PPP1R12B: variants seen among roughly 807,000 people sequenced by gnomAD.
The protein encoded by PPP1R12B is protein phosphatase 1 regulatory subunit 12B.
PPP1R12B carries 76 observed loss-of-function variants against 126.1 expected under a neutral mutation model. The ratio of observed to expected loss-of-function variants is 0.60; its 90% CI spans 0.50 to 0.73. The LOEUF (loss-of-function observed/expected upper bound fraction) is 0.73. Ranked by LOEUF, PPP1R12B falls within the 30% of genes least tolerant of loss-of-function variation. PPP1R12B has a pLI of 0.00. For missense variants in PPP1R12B, 1,052 were observed against 1,205.1 expected (o/e 0.87, Z 1.88); for synonymous variants, 356 against 434.7 (o/e 0.82, Z 2.25).
At chr1:202,349,218 G>T (rs113722623) in intron 1 of PPP1R12B, 76 bp downstream of exon 1, 2 of 1,543,028 alleles carry the variant, frequency 1.3e-6, no homozygotes, top group South Asian at 1.2e-5. Flanking sequence ...ACCCCATGGG[G>T]AGTATCAGTG....
At chr1:202,436,641 A>T (rs758506994) in intron 9 of PPP1R12B, among the ~76,000 whole-genome samples, 11 of 152,118 alleles carry the variant, frequency 7.2e-5, no homozygotes, top group Non-Finnish European at 1.6e-4. Flanking sequence ...ATGCTGGTCT[A>T]TGATGTTTCC....
chr1:202,573,453 A>G (rs985375873), intron 23 of PPP1R12B, among the ~76,000 whole-genome samples: 1 of 151,818 alleles, frequency 6.6e-6, no homozygotes, highest in African/African-American at 2.4e-5. Context: ...CTATAACTCC[A>G]CTAATCTTTC....
intron 12 of PPP1R12B, chr1:202,448,521 A>T (rs1204112122): frequency 6.4e-6 from 1 of 156,748 alleles, no homozygotes; most frequent in African/African-American, 2.4e-5. Context: ...GATGGTCATC[A>T]AATCTAGGCT....
chr1:202,416,417 T>C (rs1417784572), intron 1 of PPP1R12B, among the ~76,000 whole-genome samples: 1 of 149,526 alleles, frequency 6.7e-6, no homozygotes, highest in Non-Finnish European at 1.5e-5. Context: ...TCCCAGCTAC[T>C]AGGGAGGCTG....
At chr1:202,371,728 AGAGT>A (rs1426509415) in intron 1 of PPP1R12B, among the ~76,000 whole-genome samples, 4 of 152,102 alleles carry the variant, frequency 2.6e-5, no homozygotes, top group African/African-American at 9.7e-5. Flanking sequence ...GTTTAGAGAG[AGAGT>A]ATTTGTATAC....
At chr1:202,562,631 AGATTGAAG>A (rs760718452) in intron 19 of PPP1R12B, 139 bp from the exon 20 acceptor site, 1 of 932,946 alleles carries the variant, frequency 1.1e-6, no homozygotes. Context: ...GCTGGCAGAG[AGATTGAAG>A]GAAAGAATGT....
intron 3 of PPP1R12B, among the ~76,000 whole-genome samples, chr1:202,423,515 G>A (rs1305071133): frequency 6.6e-6 from 1 of 152,200 alleles, no homozygotes; most frequent in Non-Finnish European, 1.5e-5. Flanking sequence ...TGCCACAACA[G>A]CAGAGTTGAG....
At chr1:202,576,145 C>T (rs1015539464) in intron 23 of PPP1R12B, 1 of 152,230 alleles carries the variant, frequency 6.6e-6, no homozygotes, top group East Asian at 1.9e-4. Context: ...CAGGCCCTCT[C>T]TAATGAGGCC....
In PPP1R12B at chr1:202,454,714, A is replaced by C. The variant is rs533978023; in HGVS notation, c.1850+5543A>C. 5.9e-5 allele frequency among the ~76,000 whole-genome samples: 9 copies of C among 152,262 alleles called. No individual in the cohort carries two copies. In the South Asian group the frequency reaches 6.2e-4, roughly 11 times the overall value. ...TTTGGGAGGCCAAGTTGGGAGGATC[A>C]CTTGAGACCAGGAGCTCAAGACCAG... is the stretch of plus-strand genomic sequence containing the variant. On this transcript the variant is annotated intron_variant, in intron 13 of 23. Transcript: ENST00000608999.
intron 1 of PPP1R12B, among the ~76,000 whole-genome samples, chr1:202,370,977 A>G (rs533270023): frequency 8.0e-4 from 120 of 149,400 alleles, no homozygotes; most frequent in African/African-American, 2.8e-3. Flanking sequence ...TTTTTTTTGA[A>G]CACGAGTTCC....
In PPP1R12B at chr1:202,508,541, CAG is replaced by C. The variant is rs1177833168; in HGVS notation, c.2490+11721_2490+11722del. Among the ~76,000 whole-genome samples, 1 of 152,092 alleles carries C rather than the reference CAG, an allele frequency of 6.6e-6. No individual in the cohort carries two copies. The highest frequency in any genetic ancestry group is 1.5e-5 in the Non-Finnish European group (1 of 68,008). On this transcript the variant is annotated intron_variant, in intron 18 of 23. Transcript: ENST00000608999. This position sits in a 1 kb window ranked among gnomAD's most constrained non-coding sequence, Gnocchi z 4.5. ...GTTTCTGAAAAATTTTTTCAGGAAA[CAG>C]AAGCATTTTAAAGGCAAACAACATG...
intron 12 of PPP1R12B, chr1:202,445,111 C>A: frequency 8.0e-7 from 1 of 1,247,304 alleles, no homozygotes; most frequent in Non-Finnish European, 1.0e-6. Flanking sequence ...AATTCATCTC[C>A]TGCTACCTCA....
chr1:202,479,582 C>G (rs1324594787), intron 13 of PPP1R12B, among the ~76,000 whole-genome samples: 1 of 152,156 alleles, frequency 6.6e-6, no homozygotes, highest in Non-Finnish European at 1.5e-5. Flanking sequence ...GCGGATACCC[C>G]AGACTTTGAT....
intron 14 of PPP1R12B, among the ~76,000 whole-genome samples, chr1:202,491,718 A>G (rs1678910123): frequency 6.6e-6 from 1 of 152,162 alleles, no homozygotes. Context: ...TCTTAGAGGG[A>G]AAGATTCAGT....
In PPP1R12B at chr1:202,349,115, C is replaced by T. The variant is rs1655438725; in HGVS notation, c.264C>T (p.Asn88=). Residue 88 remains asparagine, a synonymous_variant, in exon 1 of 24, where the codon AAC becomes AAT. Coordinates refer to ENST00000608999, the MANE Select transcript of PPP1R12B (RefSeq NM_002481.4). ...GAGGTGCTGATATCAACACGGTCAA[C>T]GTGGACGGCTTGACAGCCCTGCACC... ...LARGADINTV[N]VDGLTALHQA... 1 of 1,613,958 alleles carries T rather than the reference C, an allele frequency of 6.2e-7. No homozygotes were observed. The highest frequency in any genetic ancestry group is 1.3e-5 in the African/African-American group (1 of 74,958).
At position 202,567,808 on chromosome 1, in the gene PPP1R12B, T is replaced by G. The variant is rs886390468; in HGVS notation, c.2788T>G (p.Ser930Ala). The change falls in exon 22 of 24, where the codon TCA (serine) becomes GCA (alanine). Residue 930 changes from serine (S) to alanine (A), a missense_variant. Transcript: ENST00000608999. ...ACAAGAAAAGACCTCTGACCGATCA[T>G]CAGTGCTGGAGATGGAGAAACGGGT... ...QKQEKTSDRSSVLEMEKRERR... is the reference protein window; with the variant it reads ...QKQEKTSDRSAVLEMEKRERR... 3.1e-6 allele frequency: 5 copies of G among 1,613,966 alleles called. No individual in the cohort carries two copies. The African/African-American group carries it at 6.7e-5, about 22-fold the overall frequency.
chr1:202,549,410 A>C, intron 18 of PPP1R12B, among the ~76,000 whole-genome samples: 1 of 151,176 alleles, frequency 6.6e-6, no homozygotes, highest in South Asian at 2.1e-4. Context: ...GATTGCATTT[A>C]ATCAATTACC....
At position 202,583,746 on chromosome 1, in the gene PPP1R12B, C is replaced by T. The variant is rs1477501690; in HGVS notation, c.*3186C>T. On this transcript the variant is annotated 3_prime_UTR_variant, in exon 24 of 24. Coordinates refer to ENST00000608999, the MANE Select transcript of PPP1R12B (RefSeq NM_002481.4). ...TTCAGTGGCCACAATCCTCAGTCCT[C>T]ACCTGCTGGTTTGGAGACTCATGAG... is the stretch of plus-strand genomic sequence containing the variant. The T allele has an allele frequency of 1.3e-5, 2 of 152,168 alleles. No homozygotes were observed. Among genetic ancestry groups the T allele is most frequent in the East Asian group, 1.9e-4 (1 of 5,182 alleles). The allele number at this position is 152,168 out of a possible 1,614,324, so 9.4% of individuals were successfully genotyped here.
At chr1:202,365,876 G>C (rs1659120404) in intron 1 of PPP1R12B, among the ~76,000 whole-genome samples, 1 of 152,120 alleles carries the variant, frequency 6.6e-6, no homozygotes, top group African/African-American at 2.4e-5. Flanking sequence ...TGTAGTCCCA[G>C]CTACTCAGGA....
Sources: allele counts gnomAD v4.1 joint callset (sites outside exome capture counted in the v4.1 genomes callset), GRCh38; gene constraint gnomAD v4.1.1; non-coding constraint Gnocchi (gnomAD v3.1); transcripts MANE v1.5; gene names NCBI Gene and HGNC (gene_info 2026-07-23, HGNC 2026-07-21).